Variants in AGMO observed in about 807,000 individuals in gnomAD.
AGMO encodes alkylglycerol monooxygenase.
AGMO carries 75 observed loss-of-function variants against 60.2 expected under a neutral mutation model. The observed-to-expected ratio is 1.25, with a 90% CI of 1.03 to 1.51. The LOEUF (loss-of-function observed/expected upper bound fraction) is 1.51, where lower values mean the gene tolerates loss of function less well. Ranked by LOEUF, AGMO falls within the 40% of genes most tolerant of loss-of-function variation. AGMO has a pLI of 0.00. For missense variants in AGMO, 763 were observed against 525.5 expected (o/e 1.45, Z -4.42); for synonymous variants, 261 against 177.1 (o/e 1.47, Z -3.76).
chr7:15,215,994 C>T (rs1781726948), intron 12 of AGMO, among the ~76,000 whole-genome samples: 2 of 152,030 alleles, frequency 1.3e-5, no homozygotes, highest in Non-Finnish European at 2.9e-5. Flanking sequence ...TTCAAAGATT[C>T]CTCCTTTAGT....
chr7:15,160,374 G>C, the AGMO span, among the ~76,000 whole-genome samples: 1 of 152,116 alleles, frequency 6.6e-6, no homozygotes, highest in African/African-American at 2.4e-5. Context: ...TGTCAGGCCT[G>C]TGTCTGATAC....
intron 3 of AGMO, among the ~76,000 whole-genome samples, chr7:15,456,773 C>T (rs1782008923): frequency 6.6e-6 from 1 of 152,114 alleles, no homozygotes; most frequent in South Asian, 2.1e-4. Flanking sequence ...TCATCTTTCA[C>T]CTTGGCTCTG....
chr7:15,303,205 T>C (rs1420388793), intron 12 of AGMO, among the ~76,000 whole-genome samples: 1 of 152,154 alleles, frequency 6.6e-6, no homozygotes, highest in African/African-American at 2.4e-5. Context: ...ATAGTGACTT[T>C]ATAATATGCT....
intron 5 of AGMO, among the ~76,000 whole-genome samples, chr7:15,405,641 T>C (rs1453243543): frequency 6.6e-6 from 1 of 151,948 alleles, no homozygotes; most frequent in Non-Finnish European, 1.5e-5. Flanking sequence ...TGAAAACATA[T>C]TATGTTCCTA....
downstream of AGMO, among the ~76,000 whole-genome samples, chr7:15,197,958 T>G (rs1781161966): frequency 6.6e-6 from 1 of 152,160 alleles, no homozygotes; most frequent in Non-Finnish European, 1.5e-5. Flanking sequence ...ACAAGTTATT[T>G]AACCTCAGAC....
intron 10 of AGMO, among the ~76,000 whole-genome samples, chr7:15,380,657 C>T (rs573314394): frequency 3.9e-5 from 6 of 152,232 alleles, no homozygotes; most frequent in East Asian, 1.9e-4. Context: ...CATTGTCATT[C>T]TTCACAGAAT....
At chr7:15,244,732 A>C (rs1407648949) in intron 12 of AGMO, among the ~76,000 whole-genome samples, 1 of 152,018 alleles carries the variant, frequency 6.6e-6, no homozygotes, top group African/African-American at 2.4e-5. Context: ...GCTCACTGCA[A>C]GCTCCACCTC....
chr7:15,276,688 GTGAC>G (rs1226077508), intron 12 of AGMO, among the ~76,000 whole-genome samples: 1 of 151,820 alleles, frequency 6.6e-6, no homozygotes, highest in African/African-American at 2.4e-5. Flanking sequence ...CATAGTTTTA[GTGAC>G]TTTATATAAT....
At chr7:15,168,674 CAAT>C in the AGMO span, among the ~76,000 whole-genome samples, 1 of 152,108 alleles carries the variant, frequency 6.6e-6, no homozygotes, top group Non-Finnish European at 1.5e-5. Context: ...TTTCATGAGA[CAAT>C]AAAAATAGTT....
chr7:15,352,936 T>C (rs999881180), intron 12 of AGMO, among the ~76,000 whole-genome samples: 12 of 152,252 alleles, frequency 7.9e-5, no homozygotes, highest in African/African-American at 2.6e-4. Flanking sequence ...ATTTGGGGCA[T>C]ATATTTCAAA....
At chr7:15,264,184 A>T (rs1783365881) in intron 12 of AGMO, among the ~76,000 whole-genome samples, 1 of 152,040 alleles carries the variant, frequency 6.6e-6, no homozygotes, top group Non-Finnish European at 1.5e-5. Context: ...TGACCAATTA[A>T]AAAACAACCT....
chr7:15,493,095 A>G (rs1783112491), intron 3 of AGMO, among the ~76,000 whole-genome samples: 1 of 152,154 alleles, frequency 6.6e-6, no homozygotes. Flanking sequence ...TTTTAAGGCT[A>G]TAGCTTAAGG....
intron 12 of AGMO, among the ~76,000 whole-genome samples, chr7:15,203,941 T>C (rs892787821): frequency 2.6e-5 from 4 of 152,160 alleles, no homozygotes; most frequent in Non-Finnish European, 4.4e-5. Context: ...CAGTAACCGC[T>C]AGGCTTCTGA....
intron 3 of AGMO, among the ~76,000 whole-genome samples, chr7:15,466,947 A>G (rs887962020): frequency 6.6e-6 from 1 of 152,146 alleles, no homozygotes; most frequent in African/African-American, 2.4e-5. Flanking sequence ...AGTAATGGAC[A>G]ATGATTAGTA....
intron 8 of AGMO, among the ~76,000 whole-genome samples, chr7:15,388,099 G>T (rs1783997737): frequency 6.6e-6 from 1 of 151,560 alleles, no homozygotes; most frequent in African/African-American, 2.4e-5. Flanking sequence ...GTGGCGACAG[G>T]GTTTCTGTTT....
the AGMO span, among the ~76,000 whole-genome samples, chr7:15,143,868 G>GAATGC: frequency 6.6e-6 from 1 of 152,090 alleles, no homozygotes; most frequent in East Asian, 1.9e-4. Flanking sequence ...ATCATTTTGT[G>GAATGC]AATGCTCAAA....
chr7:15,138,389 T>C, the AGMO span, among the ~76,000 whole-genome samples: 2 of 152,202 alleles, frequency 1.3e-5, no homozygotes, highest in Non-Finnish European at 2.9e-5. Flanking sequence ...GTAATGTAAT[T>C]AGATTCCACT....
intron 12 of AGMO, among the ~76,000 whole-genome samples, chr7:15,247,510 C>A (rs1782784266): frequency 7.2e-6 from 1 of 138,272 alleles, no homozygotes. Flanking sequence ...ACAGTATATC[C>A]TTTTACACAT....
intron 12 of AGMO, among the ~76,000 whole-genome samples, chr7:15,338,838 T>A (rs753020899): frequency 6.6e-6 from 1 of 152,112 alleles, no homozygotes; most frequent in Non-Finnish European, 1.5e-5. Context: ...GCTTCACTCA[T>A]CAAAATAAAA....
Sources: gnomAD v4.1 joint callset for allele counts (sites outside exome capture counted in the v4.1 genomes callset) on GRCh38, gnomAD v4.1.1 for gene constraint, MANE v1.5 for transcripts, NCBI Gene and HGNC (gene_info 2026-07-23, HGNC 2026-07-21) for gene names.